Variants in FRK observed in about 807,000 individuals in gnomAD.
FRK encodes fyn related Src family tyrosine kinase, also known as tyrosine-protein kinase FRK.
FRK carries 51 observed loss-of-function variants against 56.4 expected under a neutral mutation model. That is an observed-to-expected ratio of 0.90 (90% CI 0.72 to 1.14). FRK has a LOEUF of 1.14. Ranked by LOEUF, FRK falls within the 50% of genes most tolerant of loss-of-function variation. The probability of loss-of-function intolerance (pLI) is 0.00; values close to 1 mark genes in which losing one functional copy is unlikely to be tolerated. For synonymous variants in FRK, 245 were observed against 217.9 expected (o/e 1.12, Z -1.10); for missense variants, 570 against 601.4 (o/e 0.95, Z 0.55).
intron 2 of FRK, among the ~76,000 whole-genome samples, chr6:115,998,238 A>G (rs1374483357): frequency 3.9e-5 from 6 of 152,144 alleles, no homozygotes; most frequent in Admixed American, 2.6e-4. Flanking sequence ...TGTTCCTCTC[A>G]TATCCCCCCG....
chr6:115,967,503 A>G, intron 4 of FRK, 48 bp downstream of exon 4: 2 of 1,559,550 alleles, frequency 1.3e-6, no homozygotes, highest in Non-Finnish European at 1.8e-6. Context: ...TGTTAAATTG[A>G]GCTCATAAAA....
At chr6:116,082,905 G>T in the FRK span, among the ~76,000 whole-genome samples, 1 of 152,032 alleles carries the variant, frequency 6.6e-6, no homozygotes, top group Non-Finnish European at 1.5e-5. Flanking sequence ...GAAAATAGGA[G>T]GCAGAAGGAA....
chr6:116,054,405 TATAA>T (rs1777296059), intron 1 of FRK, among the ~76,000 whole-genome samples: 1 of 146,158 alleles, frequency 6.8e-6, no homozygotes, highest in Non-Finnish European at 1.5e-5. Context: ...GTGTATTTTT[TATAA>T]ATATAGTATT....
intron 2 of FRK, among the ~76,000 whole-genome samples, chr6:115,969,226 C>A (rs151102984): frequency 2.0e-5 from 3 of 152,198 alleles, no homozygotes; most frequent in South Asian, 2.1e-4. Context: ...TACCGTCTTA[C>A]AATAATGCAT....
At chr6:116,039,402 G>T in intron 1 of FRK, 2 of 1,571,746 alleles carry the variant, frequency 1.3e-6, no homozygotes, top group Non-Finnish European at 1.7e-6. Context: ...CAACCTGCAA[G>T]GAGCTGGCCA....
At chr6:115,996,094 C>A (rs1440247249) in intron 2 of FRK, among the ~76,000 whole-genome samples, 2 of 152,148 alleles carry the variant, frequency 1.3e-5, no homozygotes, top group Non-Finnish European at 2.9e-5. Context: ...TATCAAAATG[C>A]TCCCAGAATC....
chr6:116,034,722 T>C (rs1776405500), intron 1 of FRK, among the ~76,000 whole-genome samples: 2 of 152,128 alleles, frequency 1.3e-5, no homozygotes, highest in Admixed American at 6.6e-5. Context: ...AAATAAACCA[T>C]AAAAAACAAA....
At chr6:115,943,223 A>ATTT (rs11330350) in intron 6 of FRK, 38 bp from the exon 7 acceptor site, 43 of 1,220,456 alleles carry the variant, frequency 3.5e-5, no homozygotes, top group African/African-American at 2.9e-4. Context: ...AGTTAAAGCA[A>ATTT]TTTTTTTTTT....
At chr6:116,066,732 G>A in the FRK span, among the ~76,000 whole-genome samples, 3 of 152,176 alleles carry the variant, frequency 2.0e-5, no homozygotes, top group African/African-American at 7.2e-5. Flanking sequence ...CACGGCAACA[G>A]CCAAGCCCTT....
chr6:115,934,278 C>A lies in FRK; in HGVS notation c.*8136G>T. The A allele has an allele frequency of 6.6e-6, 1 of 152,186 alleles. No homozygotes were observed. The highest frequency in any genetic ancestry group is 1.9e-4 in the East Asian group (1 of 5,202). The allele number at this position is 152,186 out of a possible 1,614,324, so 9.4% of individuals were successfully genotyped here. A position where few individuals can be genotyped will look rare whatever the true frequency, so the allele number is the denominator to read the frequency against. On this transcript the variant is annotated 3_prime_UTR_variant, in exon 8 of 8. Coordinates refer to ENST00000606080, the MANE Select transcript of FRK (RefSeq NM_002031.3). ...TCTCTGAGGAAGGTGACCACATTCC[C>A]AGATTCAGAGTCAGAACTTATTTTA...
Position 116,060,303 on chromosome 6 carries a change from G to A in FRK, c.9C>T (p.Asn3=). The change falls in exon 1 of 8, where the codon AAC becomes AAT. Residue 3 remains asparagine (N), a synonymous_variant. Transcript: ENST00000606080. Reference sequence around the variant, plus strand: ...GGTACTCCCAGAGCCTCTGACAGATGTTGCTCATTGTGCCTTGGTGGGGAG... The same window carrying A: ...GGTACTCCCAGAGCCTCTGACAGATATTGCTCATTGTGCCTTGGTGGGGAG... MS[N]ICQRLWEYLE... 6.2e-7 allele frequency: 1 copy of A among 1,612,766 alleles called. No individual in the cohort carries two copies. Among genetic ancestry groups the A allele is most frequent in the Non-Finnish European group, 8.5e-7 (1 of 1,179,256 alleles).
At chr6:115,948,917 T>C (rs933587010) in intron 5 of FRK, among the ~76,000 whole-genome samples, 8 of 152,228 alleles carry the variant, frequency 5.3e-5, no homozygotes, top group Non-Finnish European at 2.9e-5. Flanking sequence ...ATGAGTTACC[T>C]AATCTCTACA....
intron 1 of FRK, among the ~76,000 whole-genome samples, chr6:116,027,837 TAA>T (rs995862850): frequency 7.0e-6 from 1 of 143,846 alleles, no homozygotes. Flanking sequence ...GCTTTGAGTT[TAA>T]AAAAAAAAAG....
chr6:116,003,056 G>A (rs1425644207), intron 2 of FRK, among the ~76,000 whole-genome samples: 2 of 152,140 alleles, frequency 1.3e-5, no homozygotes, highest in Non-Finnish European at 2.9e-5. Context: ...AGCATTTATT[G>A]CAGGGAAACA....
rs1216118652 is a variant in FRK at position 115,939,585 on chromosome 6, C to G, written c.*2829G>C. Reference sequence around the variant, plus strand: ...TATGAATTGTATATATAGGGAACCCCACCATCTCAGCCCAAAATCTCCTTA... The same window carrying G: ...TATGAATTGTATATATAGGGAACCCGACCATCTCAGCCCAAAATCTCCTTA... On this transcript the variant is annotated 3_prime_UTR_variant, in exon 8 of 8. Transcript: ENST00000606080. The G allele has an allele frequency of 2.6e-5, 4 of 152,304 alleles. No homozygotes were observed. Among genetic ancestry groups the G allele is most frequent in the South Asian group, 4.1e-4 (2 of 4,828 alleles). The allele number at this position is 152,304 out of a possible 1,614,324, so 9.4% of individuals were successfully genotyped here. A position where few individuals can be genotyped will look rare whatever the true frequency, so the allele number is the denominator to read the frequency against.
chr6:116,030,911 G>A (rs1428914089), intron 1 of FRK, among the ~76,000 whole-genome samples: 1 of 152,116 alleles, frequency 6.6e-6, no homozygotes, highest in African/African-American at 2.4e-5. Flanking sequence ...GGACACTCCT[G>A]TGGGACTAAG....
Position 116,060,406 on chromosome 6 carries a change from C to G in FRK, c.-95G>C, listed in dbSNP as rs901858769. ...TTCCTTCACCAGGCAACTTTGAAGT[C>G]AGCACCAACTCACCATACTTCGGAG... On this transcript the variant is annotated 5_prime_UTR_variant, in exon 1 of 8. An upstream open reading frame in the 5' UTR loses its in-frame stop. Coordinates refer to ENST00000606080, the MANE Select transcript of FRK (RefSeq NM_002031.3). 2.3e-5 allele frequency: 21 copies of G among 926,914 alleles called. No homozygotes were observed. Among genetic ancestry groups the G allele is most frequent in the Non-Finnish European group, 3.5e-5 (21 of 603,614 alleles). 57.4% of individuals were successfully genotyped at this position (926,914 alleles called of 1,614,324 possible).
chr6:116,019,976 A>T (rs1775804739), intron 1 of FRK, among the ~76,000 whole-genome samples: 1 of 152,224 alleles, frequency 6.6e-6, no homozygotes, highest in Non-Finnish European at 1.5e-5. Context: ...AACAGAAAGC[A>T]AAATGAGATT....
chr6:116,030,174 C>T (rs942665366), intron 1 of FRK, among the ~76,000 whole-genome samples: 5 of 151,966 alleles, frequency 3.3e-5, no homozygotes, highest in Admixed American at 2.6e-4. Flanking sequence ...TTATAATGAG[C>T]CAGCCACTCC....
Sources: allele counts gnomAD v4.1 joint callset (sites outside exome capture counted in the v4.1 genomes callset), GRCh38; gene constraint gnomAD v4.1.1; transcripts MANE v1.5; gene names NCBI Gene and HGNC (gene_info 2026-07-23, HGNC 2026-07-21).